Variants in IFT122 observed in about 807,000 individuals in gnomAD.
IFT122 encodes intraflagellar transport 122, also known as intraflagellar transport protein 122 homolog.
In IFT122, 118 loss-of-function variants were observed where a neutral mutation model predicts 161.6. The observed-to-expected ratio is 0.73, with a 90% CI of 0.63 to 0.85. The LOEUF (loss-of-function observed/expected upper bound fraction) is 0.85, where lower values mean the gene tolerates loss of function less well. Among genes scored for constraint, IFT122 ranks in the 40% least tolerant of loss-of-function variants. The probability of loss-of-function intolerance (pLI) is 0.00; values close to 1 mark genes in which losing one functional copy is unlikely to be tolerated. For synonymous variants in IFT122, 550 were observed against 602.4 expected, an observed-to-expected ratio of 0.91 and a Z score of 1.27; for missense variants, 1,381 against 1,579.6, an observed-to-expected ratio of 0.87 and a Z score of 2.13.
At chr3:129,518,727 C>T (rs977206904) in intron 27 of IFT122, among the ~76,000 whole-genome samples, 3 of 152,184 alleles carry the variant, frequency 2.0e-5, no homozygotes, top group Non-Finnish European at 2.9e-5. Context: ...CTGACCCGCC[C>T]TGGGGTCAGC....
chr3:129,476,788 C>A lies in IFT122; in HGVS notation c.1134C>A (p.Ile378=). The change falls in exon 11 of 30, where the codon ATC becomes ATA. Residue 378 remains isoleucine (I), a synonymous_variant. Coordinates refer to ENST00000348417, the MANE Select transcript of IFT122 (RefSeq NM_052989.3). ...CTGACGTCATTGTGCAGCACCTGAT[C>A]ACTGAGCAGAAAGGTAAGAGGCAGG... ...SMTDVIVQHL[I]TEQKVRIKCK... is the part of the protein sequence containing the mutation. The A allele has an allele frequency of 6.2e-7, 1 of 1,614,136 alleles. No homozygotes were observed. The highest frequency in any genetic ancestry group is 8.5e-7 in the Non-Finnish European group (1 of 1,180,028).
chr3:129,485,401 A>G (rs1426180805), intron 15 of IFT122, among the ~76,000 whole-genome samples: 2 of 152,230 alleles, frequency 1.3e-5, no homozygotes, highest in Non-Finnish European at 2.9e-5. Context: ...CCCATCATCC[A>G]TGCCTGACAC....
In IFT122 at chr3:129,478,101, C is replaced by CTATGAGTTG. The variant is rs1214437952; in HGVS notation, c.1237_1245dup (p.Glu413_Tyr415dup). The CTATGAGTTG allele has an allele frequency of 6.2e-7, 1 of 1,613,992 alleles. No individual in the cohort carries two copies. Among genetic ancestry groups the CTATGAGTTG allele is most frequent in the African/African-American group, 1.3e-5 (1 of 75,064 alleles). ...TCCAACTGCCAGAGAAAATCCTCATCTATGAGTTGTATTCAGAGGACTTAT... is the reference window on the plus strand; with the variant it reads ...TCCAACTGCCAGAGAAAATCCTCATCTATGAGTTGTATGAGTTGTATTCAGAGGACTTAT... On this transcript the variant is annotated inframe_insertion, in exon 12 of 30. Transcript: ENST00000348417.
chr3:129,482,708 C>T (rs1196832621), intron 14 of IFT122, among the ~76,000 whole-genome samples: 4 of 152,172 alleles, frequency 2.6e-5, no homozygotes, highest in Non-Finnish European at 4.4e-5. Context: ...TTGGGTCCTG[C>T]CTGCATCCCT....
intron 9 of IFT122, among the ~76,000 whole-genome samples, chr3:129,471,134 A>G (rs554801284): frequency 6.6e-6 from 1 of 152,346 alleles, no homozygotes; most frequent in South Asian, 2.1e-4. Flanking sequence ...GAGAAATGCA[A>G]CCTGTGCAGT....
At chr3:129,470,187 C>CA (rs1405943573) in intron 9 of IFT122, among the ~76,000 whole-genome samples, 7 of 152,132 alleles carry the variant, frequency 4.6e-5, no homozygotes, top group Non-Finnish European at 1.0e-4. Context: ...GACTGCATCT[C>CA]AGAGTTTGTG....
intron 3 of IFT122, among the ~76,000 whole-genome samples, chr3:129,457,560 C>A (rs1019523194): frequency 6.6e-6 from 1 of 152,136 alleles, no homozygotes; most frequent in African/African-American, 2.4e-5. Flanking sequence ...TAGGTCTCCA[C>A]TGAAGGATCT....
chr3:129,497,667 T>C (rs1320501734), intron 18 of IFT122, among the ~76,000 whole-genome samples: 3 of 152,192 alleles, frequency 2.0e-5, no homozygotes, highest in Non-Finnish European at 4.4e-5. Flanking sequence ...TGAAGGTAAA[T>C]ACTCTGGGAC....
In IFT122 at chr3:129,477,407, G is replaced by A. The variant is rs749151257; in HGVS notation, c.1147+606G>A. 6.6e-5 allele frequency among the ~76,000 whole-genome samples: 10 copies of A among 152,340 alleles called. No individual in the cohort carries two copies. In the East Asian group the frequency reaches 9.6e-4, roughly 15 times the overall value. ...GGTGTATTCATATCTGGATGTGCTG[G>A]CCTTAGTGCACTGCTAGGTGCCTTT... On this transcript the variant is annotated intron_variant, in intron 11 of 29. Coordinates refer to ENST00000348417, the MANE Select transcript of IFT122 (RefSeq NM_052989.3).
chr3:129,507,206 T>G (rs569645337), intron 22 of IFT122, among the ~76,000 whole-genome samples: 1 of 152,198 alleles, frequency 6.6e-6, no homozygotes, highest in Non-Finnish European at 1.5e-5. Flanking sequence ...TTGAAAATTG[T>G]CAAGCCTAGG....
At chr3:129,502,985 C>G (rs1168663058) in intron 20 of IFT122, 103 bp downstream of exon 20, 2 of 1,074,756 alleles carry the variant, frequency 1.9e-6, no homozygotes, top group Non-Finnish European at 2.7e-6. Context: ...GAGAAGCTGC[C>G]CTCGTGATGG....
intron 28 of IFT122, 119 bp downstream of exon 28, chr3:129,519,305 G>A: frequency 9.4e-7 from 1 of 1,067,746 alleles, no homozygotes; most frequent in East Asian, 2.5e-5. Flanking sequence ...TCCAGATGTG[G>A]TGGCACGAAG....
At chr3:129,520,047 CTGCAGGTCTG>C in intron 29 of IFT122, 119 bp from the exon 30 acceptor site, 1 of 776,542 alleles carries the variant, frequency 1.3e-6, no homozygotes, top group Non-Finnish European at 2.2e-6. Flanking sequence ...AACAAAGGTG[CTGCAGGTCTG>C]TGTCCAGCCC....
intron 8 of IFT122, among the ~76,000 whole-genome samples, 182 bp downstream of exon 8, chr3:129,467,248 C>A (rs570152122): frequency 6.6e-6 from 1 of 152,174 alleles, no homozygotes; most frequent in Non-Finnish European, 1.5e-5. Flanking sequence ...ATAAAGTGAT[C>A]CTGTGAGAAA....
rs1028234772 is a variant in IFT122, at chr3:129,515,119, C to T, written c.3154-369C>T. 24 of 413,354 alleles carry T rather than the reference C, an allele frequency of 5.8e-5. No individual in the cohort carries two copies. The East Asian group carries it at 1.2e-3, about 21-fold the overall frequency. The allele number at this position is 413,354 out of a possible 1,614,324, so 25.6% of individuals were successfully genotyped here. On this transcript the variant is annotated intron_variant, in intron 25 of 29. Coordinates refer to ENST00000348417, the MANE Select transcript of IFT122 (RefSeq NM_052989.3). ...TGCACCTTGGGTTCCCCCTTTCCCACAGGTAGTTGTGAGGCTAAATGAGCC... is the reference window on the plus strand; with the variant it reads ...TGCACCTTGGGTTCCCCCTTTCCCATAGGTAGTTGTGAGGCTAAATGAGCC...
intron 2 of IFT122, among the ~76,000 whole-genome samples, chr3:129,450,795 A>G (rs1232099346): frequency 1.5e-5 from 2 of 134,170 alleles, no homozygotes; most frequent in African/African-American, 5.7e-5. Flanking sequence ...ATCTCGGCTT[A>G]CTGCAAGCTC....
intron 8 of IFT122, 145 bp from the exon 9 acceptor site, chr3:129,469,197 A>G (rs752442380): frequency 1.4e-6 from 1 of 712,694 alleles, no homozygotes; most frequent in Non-Finnish European, 2.5e-6. Flanking sequence ...GTTGGGCCAA[A>G]TTATAACTTT....
At chr3:129,471,256 C>G (rs1037326513) in intron 9 of IFT122, among the ~76,000 whole-genome samples, 3 of 152,186 alleles carry the variant, frequency 2.0e-5, no homozygotes, top group Non-Finnish European at 4.4e-5. Context: ...CCCTGCCTTA[C>G]CATTGGTCAT....
Position 129,519,550 on chromosome 3 carries a change from T to A in IFT122, c.3472-18T>A, listed in dbSNP as rs1560035433. 1 of 1,612,362 alleles carries A rather than the reference T, an allele frequency of 6.2e-7. No homozygotes were observed. The highest frequency in any genetic ancestry group is 1.7e-5 in the Admixed American group (1 of 59,998). ...GGCTGAGTGAGGACACTGTGCCTCC[T>A]TCCCGCCCACCCTGCAGCAAGGTGG... On this transcript the variant is annotated intron_variant, in intron 28 of 29. Coordinates refer to ENST00000348417, the MANE Select transcript of IFT122 (RefSeq NM_052989.3).
Sources: allele counts gnomAD v4.1 joint callset (sites outside exome capture counted in the v4.1 genomes callset), GRCh38; gene constraint gnomAD v4.1.1; transcripts MANE v1.5; gene names NCBI Gene and HGNC (gene_info 2026-07-23, HGNC 2026-07-21).